PLCXD2: variants seen among roughly 807,000 people sequenced by gnomAD.
PLCXD2 encodes PI-PLC X domain-containing protein 2.
Under a neutral mutation model 28.6 loss-of-function variants are expected in PLCXD2, and 21 were observed. That is an observed-to-expected ratio of 0.73 (90% CI 0.52 to 1.06). PLCXD2 has a LOEUF of 1.06. Among genes scored for constraint, PLCXD2 ranks in the 50% least tolerant of loss-of-function variants. The pLI is 0.00. For missense variants in PLCXD2, 369 were observed against 376.7 expected (o/e 0.98, Z 0.17); for synonymous variants, 140 against 150.1 (o/e 0.93, Z 0.49).
At chr3:111,715,170 T>G (rs2107869864) in intron 3 of PLCXD2, among the ~76,000 whole-genome samples, 1 of 152,364 alleles carries the variant, frequency 6.6e-6, no homozygotes, top group South Asian at 2.1e-4. Flanking sequence ...GTTTTCTGTG[T>G]GGCTCTACTA....
In PLCXD2 at chr3:111,704,917, A is replaced by G. The variant is rs191363797; in HGVS notation, c.164-3009A>G. On this transcript the variant is annotated intron_variant, in intron 1 of 4. Transcript: ENST00000477665. The stretch of plus-strand genomic sequence containing the variant: ...AACCTCTGCCTCCTGGGTTCAAGTA[A>G]TGCTCACGCCTCAGCCTCCCAAGTA... Among the ~76,000 whole-genome samples, 4 of 151,948 alleles carry G rather than the reference A, an allele frequency of 2.6e-5. No homozygotes were observed. The East Asian group carries it at 7.7e-4, about 29-fold the overall frequency.
intron 1 of PLCXD2, among the ~76,000 whole-genome samples, chr3:111,702,594 A>G (rs1024476216): frequency 4.6e-5 from 7 of 152,226 alleles, no homozygotes; most frequent in African/African-American, 1.4e-4. Context: ...AGTAGCAGCA[A>G]AGATGATTTT....
intron 1 of PLCXD2, among the ~76,000 whole-genome samples, chr3:111,682,298 C>T (rs949188433): frequency 6.6e-6 from 1 of 152,190 alleles, no homozygotes; most frequent in Non-Finnish European, 1.5e-5. Context: ...CAGAGGTCTG[C>T]ATTGCTCTAA....
chr3:111,696,675 G>T (rs2107851664), intron 1 of PLCXD2, among the ~76,000 whole-genome samples: 1 of 152,168 alleles, frequency 6.6e-6, no homozygotes, highest in South Asian at 2.1e-4. Context: ...AGCTTTAATT[G>T]AACACTCTGA....
At chr3:111,711,325 A>G (rs1169252251) in intron 2 of PLCXD2, among the ~76,000 whole-genome samples, 1 of 152,140 alleles carries the variant, frequency 6.6e-6, no homozygotes, top group East Asian at 1.9e-4. Context: ...AATCGCTTGA[A>G]CCCAGGAGGC....
At chr3:111,680,598 G>C (rs1305869256) in intron 1 of PLCXD2, among the ~76,000 whole-genome samples, 1 of 152,150 alleles carries the variant, frequency 6.6e-6, no homozygotes, top group Non-Finnish European at 1.5e-5. Context: ...TCCATTAGTA[G>C]GTTTCACTCT....
intron 1 of PLCXD2, among the ~76,000 whole-genome samples, chr3:111,678,402 C>G (rs1940657093): frequency 6.6e-6 from 1 of 152,194 alleles, no homozygotes; most frequent in Admixed American, 6.5e-5. Flanking sequence ...TTAAACTCTA[C>G]AAACATTTTC....
intron 3 of PLCXD2, among the ~76,000 whole-genome samples, chr3:111,718,934 C>G (rs1941310304): frequency 2.0e-5 from 3 of 152,154 alleles, no homozygotes; most frequent in Admixed American, 6.5e-5. Flanking sequence ...AACTGGCTGT[C>G]ACCTAGGAAG....
intron 1 of PLCXD2, among the ~76,000 whole-genome samples, chr3:111,696,304 T>G (rs190896720): frequency 6.6e-6 from 1 of 152,246 alleles, no homozygotes; most frequent in Admixed American, 6.5e-5. Context: ...ATGAATTACT[T>G]AGCTTTATTA....
At chr3:111,708,989 G>A (rs768135427) in intron 2 of PLCXD2, among the ~76,000 whole-genome samples, 3 of 148,292 alleles carry the variant, frequency 2.0e-5, no homozygotes, top group East Asian at 1.9e-4. Flanking sequence ...TGAGGGACAC[G>A]CTCAGGAAGA....
intron 1 of PLCXD2, among the ~76,000 whole-genome samples, chr3:111,691,676 G>A (rs1323415372): frequency 6.6e-6 from 1 of 152,132 alleles, no homozygotes; most frequent in Non-Finnish European, 1.5e-5. Context: ...AATCAATAAG[G>A]ACATAGAACC....
intron 3 of PLCXD2, among the ~76,000 whole-genome samples, chr3:111,718,783 G>T (rs1268955766): frequency 1.3e-5 from 2 of 152,180 alleles, no homozygotes; most frequent in Non-Finnish European, 2.9e-5. Flanking sequence ...TACTGAGTAT[G>T]TATTGAGCTG....
chr3:111,702,396 G>A (rs1941056457), intron 1 of PLCXD2, among the ~76,000 whole-genome samples: 1 of 152,202 alleles, frequency 6.6e-6, no homozygotes, highest in Admixed American at 6.6e-5. Flanking sequence ...AAGGCGGCAG[G>A]ACTGGCCTAC....
intron 1 of PLCXD2, among the ~76,000 whole-genome samples, chr3:111,680,487 C>T (rs1513329): frequency 1 from 152,132 of 152,178 alleles, 76,043 homozygotes; most frequent in Non-Finnish European, 1. Context: ...AAGACCAAAA[C>T]TGTCTCTTAA....
At chr3:111,720,949 G>C (rs1033057830) in intron 3 of PLCXD2, 2 of 414,094 alleles carry the variant, frequency 4.8e-6, no homozygotes, top group African/African-American at 4.1e-5. Context: ...AGGATGTCCT[G>C]TTAGGATGGC....
chr3:111,714,202 G>T (rs202044561), intron 3 of PLCXD2, 74 bp downstream of exon 3: 17 of 1,499,514 alleles, frequency 1.1e-5, no homozygotes, highest in Non-Finnish European at 1.5e-5. Flanking sequence ...TGAGTAAATC[G>T]CAGTAAAGCC....
chr3:111,706,832 A>C (rs1241617230), intron 1 of PLCXD2, among the ~76,000 whole-genome samples: 1 of 151,908 alleles, frequency 6.6e-6, no homozygotes, highest in African/African-American at 2.4e-5. Context: ...AAAAAACACA[A>C]AGAGAAAGAA....
Position 111,675,387 on chromosome 3 carries a change from C to G in PLCXD2, c.142C>G (p.Leu48Val), listed in dbSNP as rs759207294. The change falls in exon 1 of 5, where the codon CTT (leucine) becomes GTT (valine). Residue 48 changes from leucine (L) to valine (V), a missense_variant. By Grantham distance (32) the Leu-to-Val change is conservative (BLOSUM62 1). Coordinates refer to ENST00000477665, the MANE Select transcript of PLCXD2 (RefSeq NM_001185106.1). ...CCCCCCTCACCTCCACAACCTCCCCCTTTCCAATCTGGCAATCCCAGGTAT... is the reference window on the plus strand; with the variant it reads ...CCCCCCTCACCTCCACAACCTCCCCGTTTCCAATCTGGCAATCCCAGGTAT... 2 of 1,614,200 alleles carry G rather than the reference C, an allele frequency of 1.2e-6. No individual in the cohort carries two copies. The highest frequency in any genetic ancestry group is 1.7e-6 in the Non-Finnish European group (2 of 1,180,034).
At chr3:111,715,736 G>C (rs965733470) in intron 3 of PLCXD2, among the ~76,000 whole-genome samples, 34 of 152,154 alleles carry the variant, frequency 2.2e-4, no homozygotes, top group Non-Finnish European at 4.7e-4. Flanking sequence ...GCTAGTAAAA[G>C]TCAAGAATAC....
Sources: gnomAD v4.1 joint callset for allele counts (sites outside exome capture counted in the v4.1 genomes callset) on GRCh38, gnomAD v4.1.1 for gene constraint, MANE v1.5 for transcripts, NCBI Gene and HGNC (gene_info 2026-07-23, HGNC 2026-07-21) for gene names.